KIAA1328: variants seen among roughly 807,000 people sequenced by gnomAD.
KIAA1328 encodes protein hinderin.
KIAA1328 carries 52 observed loss-of-function variants against 68.1 expected under a neutral mutation model. The observed-to-expected ratio is 0.76, with a 90% confidence interval of 0.61 to 0.96. The LOEUF (loss-of-function observed/expected upper bound fraction) is 0.96, where lower values mean the gene tolerates loss of function less well. KIAA1328 is among the 40% of genes least tolerant of loss of function. KIAA1328 has a pLI of 0.00. For missense variants in KIAA1328, 641 were observed against 677.6 expected (o/e 0.95, Z 0.60); for synonymous variants, 232 against 239.4 (o/e 0.97, Z 0.28).
At chr18:36,893,435 T>TTGTG (rs147453972) in intron 5 of KIAA1328, among the ~76,000 whole-genome samples, 11 of 139,698 alleles carry the variant, frequency 7.9e-5, no homozygotes, top group South Asian at 4.9e-4. Flanking sequence ...ACCTGGCTAT[T>TTGTG]TGTGTGTGTG....
intron 6 of KIAA1328, among the ~76,000 whole-genome samples, chr18:37,024,438 T>G (rs2054480228): frequency 6.6e-6 from 1 of 151,666 alleles, no homozygotes; most frequent in African/African-American, 2.4e-5. Context: ...GCAGGTTTGT[T>G]AAATATGTAT....
chr18:36,971,928 T>C (rs1385513743), intron 6 of KIAA1328, among the ~76,000 whole-genome samples: 3 of 152,104 alleles, frequency 2.0e-5, no homozygotes, highest in East Asian at 3.9e-4. Flanking sequence ...ACCTGGGTAA[T>C]GAAATAATCT....
chr18:37,197,373 G>A lies in KIAA1328; in HGVS notation c.1523+24292G>A, dbSNP rs557662483. ...TCTACTTAGGAGCAACATGAACAAT[G>A]GAAAGTGTGGGGTAGAAGCAAAAAT... is the stretch of plus-strand genomic sequence containing the variant. On this transcript the variant is annotated intron_variant, in intron 9 of 9. Coordinates refer to ENST00000280020, the MANE Select transcript of KIAA1328 (RefSeq NM_020776.3). Among the ~76,000 whole-genome samples, 9 of 152,000 alleles carry A rather than the reference G, an allele frequency of 5.9e-5. No homozygotes were observed. In the South Asian group the frequency reaches 1.9e-3, roughly 32 times the overall value.
At chr18:37,182,194 T>A (rs2059711291) in intron 9 of KIAA1328, among the ~76,000 whole-genome samples, 1 of 152,188 alleles carries the variant, frequency 6.6e-6, no homozygotes, top group African/African-American at 2.4e-5. Context: ...GGTTATCAAA[T>A]TCCCTTAACT....
At position 37,224,337 on chromosome 18, in the gene KIAA1328, T is replaced by A; in HGVS notation, c.*2110T>A. 1 of 985,076 alleles carries A rather than the reference T, an allele frequency of 1.0e-6. No individual in the cohort carries two copies. Among genetic ancestry groups the A allele is most frequent in the Non-Finnish European group, 1.2e-6 (1 of 829,886 alleles). 61.0% of individuals were successfully genotyped at this position (985,076 alleles called of 1,614,324 possible). On this transcript the variant is annotated 3_prime_UTR_variant, in exon 10 of 10. Coordinates refer to ENST00000280020, the MANE Select transcript of KIAA1328 (RefSeq NM_020776.3). ...GTCTAAACTAAAGGCTTTTTGGGGGTCACAGCCACAGAGTGGAGTTTTATT... is the reference window on the plus strand; with the variant it reads ...GTCTAAACTAAAGGCTTTTTGGGGGACACAGCCACAGAGTGGAGTTTTATT...
At chr18:36,961,420 A>G (rs555989458) in intron 6 of KIAA1328, among the ~76,000 whole-genome samples, 9 of 152,214 alleles carry the variant, frequency 5.9e-5, no homozygotes, top group Non-Finnish European at 1.0e-4. Flanking sequence ...GAACTTCCCC[A>G]ACCAAGCAAG....
Position 36,980,442 on chromosome 18 carries a change from C to T in KIAA1328, c.576+21007C>T, listed in dbSNP as rs78465138. Among the ~76,000 whole-genome samples the T allele has an allele frequency of 1.1e-3, 160 of 152,242 alleles. 2 individuals carry two copies. Among genetic ancestry groups the T allele is most frequent in the African/African-American group, 3.8e-3 (158 of 41,536 alleles). On this transcript the variant is annotated intron_variant, in intron 6 of 9. Transcript: ENST00000280020. ...TTGGGGACACGCAACAGCTCAGCTT[C>T]CATATAGAGAATGTTCCAGGCCCAG... is the stretch of plus-strand genomic sequence containing the variant.
chr18:36,945,956 C>A (rs774985456), intron 5 of KIAA1328, among the ~76,000 whole-genome samples: 7 of 152,070 alleles, frequency 4.6e-5, no homozygotes, highest in Non-Finnish European at 7.4e-5. Flanking sequence ...TTAGATCTTG[C>A]GGTATTTGCA....
At chr18:36,975,214 G>A (rs545982498) in intron 6 of KIAA1328, among the ~76,000 whole-genome samples, 10 of 127,274 alleles carry the variant, frequency 7.9e-5, no homozygotes, top group African/African-American at 2.7e-4. Context: ...ACGGAGTCTC[G>A]CTCTGTCGCC....
chr18:36,960,610 G>A (rs1050007258), intron 6 of KIAA1328, among the ~76,000 whole-genome samples: 5 of 152,170 alleles, frequency 3.3e-5, no homozygotes, highest in Non-Finnish European at 7.3e-5. Context: ...AGCTTCCAGA[G>A]GAAGGATCAG....
At chr18:37,214,926 G>A (rs2060397264) in intron 9 of KIAA1328, among the ~76,000 whole-genome samples, 1 of 152,180 alleles carries the variant, frequency 6.6e-6, no homozygotes, top group Admixed American at 6.5e-5. Flanking sequence ...GTGAATGGGA[G>A]TTCACTCATG....
intron 6 of KIAA1328, among the ~76,000 whole-genome samples, chr18:37,026,491 C>T (rs1301439421): frequency 2.0e-5 from 3 of 152,106 alleles, no homozygotes; most frequent in African/African-American, 7.2e-5. Context: ...ACTGGCAAAC[C>T]GAATCCAGCA....
At chr18:37,106,537 G>C (rs2057780879) in intron 7 of KIAA1328, among the ~76,000 whole-genome samples, 1 of 151,656 alleles carries the variant, frequency 6.6e-6, no homozygotes, top group Non-Finnish European at 1.5e-5. Context: ...TCCTGCCACA[G>C]CCTCCCGAAT....
rs565901880 is a variant in KIAA1328, at chr18:37,076,493, T to C, written c.1232+8948T>C. Among the ~76,000 whole-genome samples, 141 of 151,466 alleles carry C rather than the reference T, an allele frequency of 9.3e-4. 1 individual carries two copies. The highest frequency in any genetic ancestry group is 3.2e-3 in the African/African-American group (132 of 41,362). ...AGAAATAACTAAAATCAGAGCAGAATTGAAGGAAATAGAGACACAAAAAAC... is the reference window on the plus strand; with the variant it reads ...AGAAATAACTAAAATCAGAGCAGAACTGAAGGAAATAGAGACACAAAAAAC... On this transcript the variant is annotated intron_variant, in intron 7 of 9. Transcript: ENST00000280020.
intron 9 of KIAA1328, among the ~76,000 whole-genome samples, chr18:37,177,690 T>C (rs1179554546): frequency 1.3e-5 from 2 of 152,166 alleles, no homozygotes; most frequent in African/African-American, 4.8e-5. Context: ...TTTATTTTGT[T>C]TTGTTTCTTT....
chr18:37,149,041 G>A (rs965540053), intron 7 of KIAA1328, among the ~76,000 whole-genome samples: 9 of 152,058 alleles, frequency 5.9e-5, no homozygotes, highest in Non-Finnish European at 7.4e-5. Context: ...CCATTAAACC[G>A]CATTGACATT....
intron 7 of KIAA1328, among the ~76,000 whole-genome samples, chr18:37,074,141 A>G (rs560735315): frequency 6.6e-6 from 1 of 152,210 alleles, no homozygotes; most frequent in African/African-American, 2.4e-5. Context: ...TTATTGTCTA[A>G]AAGTTTTTTG....
chr18:37,018,998 A>G (rs988282545), intron 6 of KIAA1328, among the ~76,000 whole-genome samples: 3 of 151,974 alleles, frequency 2.0e-5, no homozygotes, highest in Admixed American at 6.6e-5. Context: ...ATTACATTCA[A>G]ATTTTTCATA....
At chr18:37,074,309 G>A (rs980758785) in intron 7 of KIAA1328, among the ~76,000 whole-genome samples, 1 of 152,124 alleles carries the variant, frequency 6.6e-6, no homozygotes, top group African/African-American at 2.4e-5. Flanking sequence ...TTGTTTTTCT[G>A]CCCCTGTTTC....
Sources: gnomAD v4.1 joint callset for allele counts (sites outside exome capture counted in the v4.1 genomes callset) on GRCh38, gnomAD v4.1.1 for gene constraint, MANE v1.5 for transcripts, NCBI Gene and HGNC (gene_info 2026-07-23, HGNC 2026-07-21) for gene names.